CSMD1: variants seen among roughly 807,000 people sequenced by gnomAD.
CSMD1 encodes the protein CUB and Sushi multiple domains 1, also known as CUB and sushi domain-containing protein 1.
CSMD1 carries 213 observed loss-of-function variants against 417.5 expected under a neutral mutation model. The ratio of observed to expected loss-of-function variants is 0.51; its 90% CI spans 0.46 to 0.57. The LOEUF is 0.57. CSMD1 is among the 20% of genes least tolerant of loss of function. The probability of loss-of-function intolerance (pLI) is 0.00; values close to 1 mark genes in which losing one functional copy is unlikely to be tolerated. For missense variants in CSMD1, 6,923 were observed against 4,529.7 expected, an observed-to-expected ratio of 1.53 and a Z score of -15.17; for synonymous variants, 2,862 against 1,736.8, an observed-to-expected ratio of 1.65 and a Z score of -16.11.
In CSMD1 at chr8:3,803,422, G is replaced by C. The variant is rs112263667; in HGVS notation, c.819-49380C>G. Among the ~76,000 whole-genome samples the C allele has an allele frequency of 1.4e-3, 216 of 152,320 alleles. 1 individual carries two copies. The highest frequency in any genetic ancestry group is 6.8e-3 in the Middle Eastern group (2 of 294). The stretch of plus-strand genomic sequence containing the variant: ...GAAACAGGTAGTGTAGGTAGAGCTT[G>C]TGGTCAAGGAGATTACTCAAAGGAG... On this transcript the variant is annotated intron_variant, in intron 5 of 69. Coordinates refer to ENST00000635120, the MANE Select transcript of CSMD1 (RefSeq NM_033225.6).
intron 2 of CSMD1, among the ~76,000 whole-genome samples, chr8:4,573,584 C>T (rs1331658813): frequency 6.6e-6 from 1 of 152,116 alleles, no homozygotes; most frequent in Non-Finnish European, 1.5e-5. Context: ...GTCTCCCAGT[C>T]AGGAGGTATG....
rs537594772 is a variant in CSMD1, at chr8:4,407,517, T to C, written c.415+12436A>G. Among the ~76,000 whole-genome samples, 11 of 152,290 alleles carry C rather than the reference T, an allele frequency of 7.2e-5. No individual in the cohort carries two copies. The East Asian group carries it at 2.1e-3, about 29-fold the overall frequency. On this transcript the variant is annotated intron_variant, in intron 3 of 69. Transcript: ENST00000635120. ...ATTGTACTCTGTTGTATTTTTACAG[T>C]GTTTAAATTCAGAGTACAGATATCT...
intron 3 of CSMD1, among the ~76,000 whole-genome samples, chr8:4,077,063 C>G (rs971417605): frequency 6.6e-6 from 1 of 151,904 alleles, no homozygotes; most frequent in African/African-American, 2.4e-5. Context: ...CCCTTATTCT[C>G]AATATAATTG....
At chr8:4,615,660 G>A (rs1056448000) in intron 2 of CSMD1, among the ~76,000 whole-genome samples, 2 of 152,042 alleles carry the variant, frequency 1.3e-5, no homozygotes, top group South Asian at 2.1e-4. Context: ...GTGAGTGTAA[G>A]GTGTTATTTC....
chr8:4,804,111 A>G (rs1362627385), intron 1 of CSMD1, among the ~76,000 whole-genome samples: 1 of 152,220 alleles, frequency 6.6e-6, no homozygotes, highest in Non-Finnish European at 1.5e-5. Flanking sequence ...AATTATTTCC[A>G]CAATAACGAG....
intron 31 of CSMD1, among the ~76,000 whole-genome samples, chr8:3,204,119 A>G (rs1376908911): frequency 6.6e-6 from 1 of 152,224 alleles, no homozygotes; most frequent in Non-Finnish European, 1.5e-5. Flanking sequence ...ATTCGCTGTA[A>G]CTACGTTATT....
chr8:4,076,619 C>T (rs890444993), intron 3 of CSMD1, among the ~76,000 whole-genome samples: 1 of 152,100 alleles, frequency 6.6e-6, no homozygotes, highest in Non-Finnish European at 1.5e-5. Flanking sequence ...TTGATAGTTG[C>T]CTGTTACCTT....
chr8:4,390,754 G>A (rs532992437), intron 3 of CSMD1, among the ~76,000 whole-genome samples: 4 of 151,576 alleles, frequency 2.6e-5, no homozygotes, highest in African/African-American at 9.7e-5. Context: ...ACCTCGTCAG[G>A]ATGGTCTCAA....
At chr8:3,339,773 T>C (rs1807520933) in intron 23 of CSMD1, among the ~76,000 whole-genome samples, 1 of 152,124 alleles carries the variant, frequency 6.6e-6, no homozygotes, top group African/African-American at 2.4e-5. Flanking sequence ...CACATCTGTG[T>C]AAGGTGCGAA....
At chr8:3,981,104 G>A (rs1335766095) in intron 5 of CSMD1, among the ~76,000 whole-genome samples, 5 of 152,288 alleles carry the variant, frequency 3.3e-5, no homozygotes, top group Admixed American at 1.3e-4. Context: ...TTTGCATAAT[G>A]CATGCTGAAA....
intron 41 of CSMD1, among the ~76,000 whole-genome samples, chr8:3,132,182 T>C (rs1262611980): frequency 2.0e-5 from 3 of 152,214 alleles, no homozygotes; most frequent in Admixed American, 6.5e-5. Context: ...CCTCAGCAGA[T>C]ATCTCAGTCA....
chr8:3,973,674 G>C (rs1011558679), intron 5 of CSMD1, among the ~76,000 whole-genome samples: 2 of 152,100 alleles, frequency 1.3e-5, no homozygotes, highest in South Asian at 2.1e-4. Flanking sequence ...AGTATCCTTG[G>C]TACTGGCAAC....
intron 26 of CSMD1, among the ~76,000 whole-genome samples, chr8:3,259,222 G>C (rs1022554530): frequency 6.6e-6 from 1 of 152,154 alleles, no homozygotes; most frequent in Non-Finnish European, 1.5e-5. Context: ...TAATCTGAAA[G>C]GCGTTTTCTA....
At chr8:3,457,455 G>A (rs1258088369) in intron 12 of CSMD1, among the ~76,000 whole-genome samples, 1 of 152,158 alleles carries the variant, frequency 6.6e-6, no homozygotes, top group East Asian at 1.9e-4. Context: ...AGCTCCACAT[G>A]CTCACATGTT....
chr8:4,208,802 C>A (rs1226540258), intron 3 of CSMD1, among the ~76,000 whole-genome samples: 1 of 152,178 alleles, frequency 6.6e-6, no homozygotes, highest in Non-Finnish European at 1.5e-5. Context: ...ATCTAGAAAA[C>A]TGTCCGGTTT....
chr8:3,596,081 G>C (rs552021236), intron 8 of CSMD1, among the ~76,000 whole-genome samples: 33 of 152,250 alleles, frequency 2.2e-4, no homozygotes, highest in Middle Eastern at 3.4e-3. Flanking sequence ...GAGACTCTTC[G>C]AACTCTAGAC....
intron 7 of CSMD1, among the ~76,000 whole-genome samples, chr8:3,655,553 G>C (rs1180487219): frequency 6.6e-6 from 1 of 152,050 alleles, no homozygotes; most frequent in Non-Finnish European, 1.5e-5. Flanking sequence ...ACCCAACTGT[G>C]TAAGGTACCA....
At chr8:4,389,802 A>G (rs1033397358) in intron 3 of CSMD1, among the ~76,000 whole-genome samples, 2 of 152,166 alleles carry the variant, frequency 1.3e-5, no homozygotes, top group South Asian at 4.1e-4. Flanking sequence ...AAAGCCTTAC[A>G]ACTACTTTAT....
chr8:4,564,362 T>C (rs751432447), intron 2 of CSMD1, among the ~76,000 whole-genome samples: 3 of 152,174 alleles, frequency 2.0e-5, no homozygotes, highest in African/African-American at 4.8e-5. Context: ...AAAAATAACA[T>C]AGATTGGTTG....
Sources: gnomAD v4.1 joint callset for allele counts (sites outside exome capture counted in the v4.1 genomes callset) on GRCh38, gnomAD v4.1.1 for gene constraint, MANE v1.5 for transcripts, NCBI Gene and HGNC (gene_info 2026-07-23, HGNC 2026-07-21) for gene names.